ADRA1B: variants seen among roughly 807,000 people sequenced by gnomAD.
ADRA1B encodes the protein alpha-1B adrenergic receptor.
ADRA1B carries 17 observed loss-of-function variants against 17.9 expected under a neutral mutation model. The observed-to-expected ratio is 0.95, with a 90% CI of 0.65 to 1.42. ADRA1B has a LOEUF of 1.42. Among genes scored for constraint, ADRA1B ranks in the 40% most tolerant of loss-of-function variants. The pLI is 0.00. For missense variants in ADRA1B, 681 were observed against 722.1 expected (o/e 0.94, Z 0.65); for synonymous variants, 366 against 327.6 (o/e 1.12, Z -1.27).
chr5:159,953,637 CTGGCATTG>C (rs1755494174), intron 1 of ADRA1B, among the ~76,000 whole-genome samples: 1 of 152,158 alleles, frequency 6.6e-6, no homozygotes. Context: ...TCAGGCTGAG[CTGGCATTG>C]TTTCATCTAT....
intron 1 of ADRA1B, among the ~76,000 whole-genome samples, chr5:159,878,988 G>C (rs1753829159): frequency 6.6e-6 from 1 of 152,076 alleles, no homozygotes; most frequent in African/African-American, 2.4e-5. Flanking sequence ...AGAGCCAGCT[G>C]CCTCCTTACA....
Position 159,917,614 on chromosome 5 carries a change from C to T in ADRA1B, c.709C>T (p.Leu237=), listed in dbSNP as rs1001010195. 2.5e-6 allele frequency: 4 copies of T among 1,614,090 alleles called. No individual in the cohort carries two copies. In the Admixed American group the frequency reaches 6.7e-5, roughly 27 times the overall value. The change falls in exon 1 of 2, where the codon CTA becomes TTA. Residue 237 remains leucine (L), a synonymous_variant. Coordinates refer to ENST00000306675, the MANE Select transcript of ADRA1B (RefSeq NM_000679.4). The part of the protein sequence containing the change: ...YIVAKRTTKN[L]EAGVMKEMSN... ...AGTGGCCAAGAGAACCACCAAGAAC[C>T]TAGAGGCAGGAGTCATGAAGGAGAT...
intron 1 of ADRA1B, among the ~76,000 whole-genome samples, chr5:159,924,519 C>T (rs1221264023): frequency 6.6e-6 from 1 of 152,096 alleles, no homozygotes; most frequent in Non-Finnish European, 1.5e-5. Flanking sequence ...ATGAGTTAGC[C>T]TCAGCTTTGA....
At chr5:159,958,867 C>T (rs1182685720) in intron 1 of ADRA1B, among the ~76,000 whole-genome samples, 1 of 152,212 alleles carries the variant, frequency 6.6e-6, no homozygotes, top group African/African-American at 2.4e-5. Flanking sequence ...AGGGAAATTA[C>T]TATTTCCAAT....
chr5:159,922,482 A>T (rs575342716), intron 1 of ADRA1B, among the ~76,000 whole-genome samples: 12 of 152,288 alleles, frequency 7.9e-5, no homozygotes, highest in Non-Finnish European at 1.5e-5. Context: ...GAAACCCAGA[A>T]CCACCCTGTC....
At chr5:159,944,833 C>G (rs552312095) in intron 1 of ADRA1B, among the ~76,000 whole-genome samples, 11 of 152,102 alleles carry the variant, frequency 7.2e-5, no homozygotes, top group Non-Finnish European at 1.3e-4. Flanking sequence ...TTCCCTGTCT[C>G]GAGTACTCTT....
At chr5:159,889,587 C>G (rs1753960649) in intron 1 of ADRA1B, among the ~76,000 whole-genome samples, 1 of 152,142 alleles carries the variant, frequency 6.6e-6, no homozygotes, top group African/African-American at 2.4e-5. Context: ...AGAGAGGTTC[C>G]ATCCTGATGG....
At chr5:159,959,507 T>G (rs1755624935) in intron 1 of ADRA1B, among the ~76,000 whole-genome samples, 1 of 152,172 alleles carries the variant, frequency 6.6e-6, no homozygotes, top group South Asian at 2.1e-4. Context: ...AACCCTTAAA[T>G]AAGTTCAACT....
At chr5:159,924,781 T>G (rs555449124) in intron 1 of ADRA1B, among the ~76,000 whole-genome samples, 1 of 152,340 alleles carries the variant, frequency 6.6e-6, no homozygotes, top group South Asian at 2.1e-4. Flanking sequence ...AAATAACTGA[T>G]GTCTGCTGGG....
chr5:159,956,198 A>C (rs1755547897), intron 1 of ADRA1B, among the ~76,000 whole-genome samples: 1 of 152,194 alleles, frequency 6.6e-6, no homozygotes, highest in Admixed American at 6.5e-5. Context: ...CTATGATCAC[A>C]TCACTGCACA....
intron 1 of ADRA1B, among the ~76,000 whole-genome samples, chr5:159,906,647 A>T (rs972633521): frequency 1.3e-5 from 2 of 152,010 alleles, no homozygotes; most frequent in African/African-American, 4.8e-5. Context: ...CCTACTCAAC[A>T]CTCTACATTC....
chr5:159,909,305 C>T (rs1244643302), intron 1 of ADRA1B, among the ~76,000 whole-genome samples: 1 of 152,146 alleles, frequency 6.6e-6, no homozygotes, highest in Non-Finnish European at 1.5e-5. Context: ...AGGCAGAAAC[C>T]GCCTTCTGAC....
At chr5:159,872,193 G>A (rs1011073621) in intron 1 of ADRA1B, among the ~76,000 whole-genome samples, 22 of 152,254 alleles carry the variant, frequency 1.4e-4, no homozygotes, top group African/African-American at 3.4e-4. Context: ...GCACTGGCTC[G>A]TCAACATTGT....
intron 1 of ADRA1B, among the ~76,000 whole-genome samples, chr5:159,930,394 C>T (rs1327539920): frequency 2.0e-5 from 3 of 152,218 alleles, no homozygotes; most frequent in Non-Finnish European, 4.4e-5. Context: ...CTTTGGGAGG[C>T]TGAGGCAGGT....
At chr5:159,962,669 CTTTTTT>C (rs113639158) in intron 1 of ADRA1B, among the ~76,000 whole-genome samples, 3 of 124,880 alleles carry the variant, frequency 2.4e-5, no homozygotes, top group East Asian at 2.3e-4. Context: ...TGTTTTTCAG[CTTTTTT>C]TTTTTTTTTT....
chr5:159,890,094 C>A (rs1753965891), intron 1 of ADRA1B, among the ~76,000 whole-genome samples: 1 of 152,162 alleles, frequency 6.6e-6, no homozygotes, highest in South Asian at 2.1e-4. Flanking sequence ...GCAACGGGTG[C>A]TTGCCTTGAG....
At chr5:159,873,191 T>C (rs572021276) in intron 1 of ADRA1B, among the ~76,000 whole-genome samples, 1 of 152,300 alleles carries the variant, frequency 6.6e-6, no homozygotes, top group South Asian at 2.1e-4. Context: ...GGCATTTAGG[T>C]TTGTTCCAAG....
At position 159,972,224 on chromosome 5, in the gene ADRA1B, G is replaced by T; in HGVS notation, c.1295G>T (p.Gly432Val). 1 of 1,352,610 alleles carries T rather than the reference G, an allele frequency of 7.4e-7. No individual in the cohort carries two copies. Among genetic ancestry groups the T allele is most frequent in the South Asian group, 1.7e-5 (1 of 58,612 alleles). 83.8% of individuals were successfully genotyped at this position (1,352,610 alleles called of 1,614,324 possible). Residue 432 changes from glycine (G) to valine (V), a missense_variant, in exon 2 of 2, where the codon GGC becomes GTC. Physicochemically the swap from Gly to Val is moderately radical, Grantham distance 109 (BLOSUM62 -3). This residue lies in a region of ADRA1B where 251 missense variants were observed against 224.9 expected (regional missense o/e 1.12). Coordinates refer to ENST00000306675, the MANE Select transcript of ADRA1B (RefSeq NM_000679.4). Reference protein sequence around the residue: ...PSASPSPGYLGRGAPPPVELC... With the variant: ...PSASPSPGYLVRGAPPPVELC... ...GCCTCGCCGAGCCCGGGCTACCTGGGCCGCGGCGCGCCACCGCCAGTCGAG... is the reference window on the plus strand; with the variant it reads ...GCCTCGCCGAGCCCGGGCTACCTGGTCCGCGGCGCGCCACCGCCAGTCGAG...
At chr5:159,869,915 A>G (rs1206174928) in intron 1 of ADRA1B, 1 of 152,228 alleles carries the variant, frequency 6.6e-6, no homozygotes, top group Non-Finnish European at 1.5e-5. Flanking sequence ...GTAATATGTG[A>G]TATGTTACTG....
Sources: gnomAD v4.1 joint callset for allele counts (sites outside exome capture counted in the v4.1 genomes callset) on GRCh38, gnomAD v4.1.1 for gene constraint, gnomAD v4.1.1 regional missense constraint, MANE v1.5 for transcripts, NCBI Gene and HGNC (gene_info 2026-07-23, HGNC 2026-07-21) for gene names.